Variants in DPP10 observed in about 807,000 individuals in gnomAD.
DPP10 encodes the protein dipeptidyl peptidase like 10.
In DPP10, 33 loss-of-function variants were observed where a neutral mutation model predicts 120.9. The observed-to-expected ratio is 0.27, with a 90% CI of 0.21 to 0.37. The LOEUF (loss-of-function observed/expected upper bound fraction) is 0.37. Among genes scored for constraint, DPP10 ranks in the 10% least tolerant of loss-of-function variants. DPP10 has a pLI of 1.00. For synonymous variants in DPP10, 337 were observed against 326.1 expected (o/e 1.03, Z -0.36); for missense variants, 816 against 942.8 (o/e 0.87, Z 1.76).
intron 5 of DPP10, among the ~76,000 whole-genome samples, chr2:115,647,021 C>T (rs576312782): frequency 3.0e-4 from 46 of 152,246 alleles, no homozygotes; most frequent in African/African-American, 1.1e-3. Context: ...AAATAGTTCT[C>T]ATCACATTGG....
chr2:114,626,360 A>G (rs558524262), intron 1 of DPP10, among the ~76,000 whole-genome samples: 1 of 152,190 alleles, frequency 6.6e-6, no homozygotes, highest in South Asian at 2.1e-4. Context: ...CACCAACTGG[A>G]TATTTAATGA....
intron 1 of DPP10, among the ~76,000 whole-genome samples, chr2:115,022,396 C>T (rs896054300): frequency 1.3e-5 from 2 of 152,182 alleles, no homozygotes; most frequent in East Asian, 1.9e-4. Flanking sequence ...AAATCAAGAA[C>T]TCAACCCCTT....
intron 1 of DPP10, among the ~76,000 whole-genome samples, chr2:115,242,102 C>G (rs1265186457): frequency 6.6e-6 from 1 of 152,086 alleles, no homozygotes; most frequent in East Asian, 1.9e-4. Context: ...GCACCCATGA[C>G]CCAAGCAGTA....
intron 4 of DPP10, among the ~76,000 whole-genome samples, chr2:115,509,456 G>A (rs17044597): frequency 0.2 from 30,767 of 152,014 alleles, 3,774 homozygotes; most frequent in East Asian, 0.39. Context: ...AGGTTTGAGC[G>A]TATGGTTGGA....
At chr2:114,908,664 A>C (rs1443226513) in intron 1 of DPP10, among the ~76,000 whole-genome samples, 1 of 151,860 alleles carries the variant, frequency 6.6e-6, no homozygotes, top group African/African-American at 2.4e-5. Context: ...AGATGGACAA[A>C]CATTTCAATA....
chr2:115,629,996 T>C lies in DPP10; in HGVS notation c.442-59691T>C, dbSNP rs2085708272. ...ATCGAATGTATAAATTATTTTGGGC[T>C]GTATGGCCATTTTCATAATATTGAT... On this transcript the variant is annotated intron_variant, in intron 5 of 25. Transcript: ENST00000410059. Among the ~76,000 whole-genome samples the C allele has an allele frequency of 2.0e-5, 3 of 152,190 alleles. No individual in the cohort carries two copies. The South Asian group carries it at 6.2e-4, about 32-fold the overall frequency.
chr2:115,404,023 T>C (rs1219915526), intron 3 of DPP10, among the ~76,000 whole-genome samples: 1 of 152,144 alleles, frequency 6.6e-6, no homozygotes, highest in Non-Finnish European at 1.5e-5. Context: ...AATATATAGG[T>C]GTAAATTTAA....
rs143586602 is a variant in DPP10 at position 114,861,747 on chromosome 2, GATCTGGTTTGTAT to G, written c.60+418914_60+418926del. 3.5e-3 allele frequency among the ~76,000 whole-genome samples: 531 copies of G among 152,174 alleles called. 2 individuals carry two copies. Among genetic ancestry groups the G allele is most frequent in the African/African-American group, 0.012 (514 of 41,528 alleles). On this transcript the variant is annotated intron_variant, in intron 1 of 25. Transcript: ENST00000410059. ...AAGTATGATATACTTCACTAAGCAG[GATCTGGTTTGTAT>G]ATCTTTTATTTTTTCTGATATAACC...
intron 2 of DPP10, among the ~76,000 whole-genome samples, chr2:115,336,812 A>T (rs1231229370): frequency 6.6e-6 from 1 of 151,960 alleles, no homozygotes; most frequent in Admixed American, 6.6e-5. Flanking sequence ...GTGTCTCAAA[A>T]TGATTTACAA....
chr2:115,097,475 A>G (rs1366280269), intron 1 of DPP10, among the ~76,000 whole-genome samples: 2 of 152,226 alleles, frequency 1.3e-5, no homozygotes, highest in African/African-American at 4.8e-5. Flanking sequence ...GTGATTGGCT[A>G]GTTAACAAAC....
At chr2:115,189,635 A>G (rs1306306702) in intron 1 of DPP10, among the ~76,000 whole-genome samples, 1 of 151,868 alleles carries the variant, frequency 6.6e-6, no homozygotes, top group Non-Finnish European at 1.5e-5. Flanking sequence ...CTTCCTTAAC[A>G]TGACTTGGCT....
At chr2:114,908,440 A>G (rs2106635169) in intron 1 of DPP10, among the ~76,000 whole-genome samples, 1 of 152,050 alleles carries the variant, frequency 6.6e-6, no homozygotes, top group Admixed American at 6.5e-5. Context: ...AATTTTAACT[A>G]TATCTTTTAG....
At chr2:115,682,204 T>G (rs892837344) in intron 5 of DPP10, among the ~76,000 whole-genome samples, 1 of 151,970 alleles carries the variant, frequency 6.6e-6, no homozygotes, top group African/African-American at 2.4e-5. Context: ...GTAATTGATT[T>G]TAAATGCCAT....
intron 21 of DPP10, among the ~76,000 whole-genome samples, chr2:115,816,530 T>TA (rs1483981450): frequency 6.6e-6 from 1 of 152,224 alleles, no homozygotes; most frequent in East Asian, 1.9e-4. Flanking sequence ...CAGTAACTGT[T>TA]ATGTCAGGTT....
chr2:114,742,695 T>C (rs1678182591), intron 1 of DPP10, among the ~76,000 whole-genome samples: 2 of 152,196 alleles, frequency 1.3e-5, no homozygotes, highest in South Asian at 2.1e-4. Context: ...GACCACACAT[T>C]TGAAAGAAAC....
Position 115,343,925 on chromosome 2 carries a change from C to A in DPP10, c.271+13C>A. The stretch of plus-strand genomic sequence containing the variant: ...CGGTGGATCAATGGTAAGTGTATAC[C>A]TTTTTAAACATTGTATTCATTTTGA... On this transcript the variant is annotated intron_variant, in intron 3 of 25. Coordinates refer to ENST00000410059, the MANE Select transcript of DPP10 (RefSeq NM_020868.6). 6.4e-7 allele frequency: 1 copy of A among 1,572,524 alleles called. No individual in the cohort carries two copies. Among genetic ancestry groups the A allele is most frequent in the Non-Finnish European group, 8.6e-7 (1 of 1,158,148 alleles).
At chr2:115,538,525 A>G (rs1262242513) in intron 5 of DPP10, among the ~76,000 whole-genome samples, 1 of 152,068 alleles carries the variant, frequency 6.6e-6, no homozygotes, top group Non-Finnish European at 1.5e-5. Context: ...TCAAGATTAC[A>G]GATAACCTAG....
intron 3 of DPP10, among the ~76,000 whole-genome samples, chr2:115,402,557 C>G (rs1029245307): frequency 1.3e-5 from 2 of 151,268 alleles, no homozygotes; most frequent in African/African-American, 4.9e-5. Context: ...GGATAAATTC[C>G]TAGACACATG....
intron 1 of DPP10, among the ~76,000 whole-genome samples, chr2:114,477,915 ATG>A (rs1222295663): frequency 4.0e-5 from 6 of 150,640 alleles, no homozygotes; most frequent in Non-Finnish European, 5.9e-5. Context: ...ATGTACATAT[ATG>A]TGTATATATG....
Sources: gnomAD v4.1 joint callset for allele counts (sites outside exome capture counted in the v4.1 genomes callset) on GRCh38, gnomAD v4.1.1 for gene constraint, MANE v1.5 for transcripts, NCBI Gene and HGNC (gene_info 2026-07-23, HGNC 2026-07-21) for gene names.